NTRK2: variants seen among roughly 807,000 people sequenced by gnomAD.
The protein encoded by NTRK2 is neurotrophic receptor tyrosine kinase 2, also known as BDNF/NT-3 growth factors receptor.
NTRK2 carries 13 observed loss-of-function variants against 94.5 expected under a neutral mutation model. The observed-to-expected ratio is 0.14, with a 90% CI of 0.09 to 0.22. The LOEUF is 0.22. Ranked by LOEUF, NTRK2 falls within the 10% of genes least tolerant of loss-of-function variation. NTRK2 has a pLI of 1.00. For synonymous variants in NTRK2, 372 were observed against 407.4 expected, an observed-to-expected ratio of 0.91 and a Z score of 1.05; for missense variants, 639 against 1,071.2, an observed-to-expected ratio of 0.60 and a Z score of 5.63.
chr9:84,673,285 T>C (rs1299397938), intron 2 of NTRK2, among the ~76,000 whole-genome samples: 2 of 152,244 alleles, frequency 1.3e-5, no homozygotes, highest in Non-Finnish European at 2.9e-5. Context: ...CTCGCATCCT[T>C]ATATGACACC....
intron 14 of NTRK2, among the ~76,000 whole-genome samples, chr9:84,883,965 T>C (rs1477085104): frequency 6.6e-6 from 1 of 152,250 alleles, no homozygotes; most frequent in Non-Finnish European, 1.5e-5. Context: ...GTACTTAGTA[T>C]AAGGAATTAT....
chr9:84,673,181 G>A (rs1429352543), intron 2 of NTRK2, among the ~76,000 whole-genome samples: 10 of 152,128 alleles, frequency 6.6e-5, no homozygotes, highest in Admixed American at 2.0e-4. Flanking sequence ...TCTGTAACTC[G>A]TATGACAATA....
rs1025988020 is a variant in NTRK2, at chr9:84,940,346, T to G, written c.1764+6054T>G. ...CAAGATCTGAGGCAGCCCTGGTGAC[T>G]GTCCCTTCTTTATCATCTCGGCAGG... On this transcript the variant is annotated intron_variant, in intron 15 of 18. Transcript: ENST00000277120. Among the ~76,000 whole-genome samples, 3 of 152,214 alleles carry G rather than the reference T, an allele frequency of 2.0e-5. No homozygotes were observed. In the East Asian group the frequency reaches 5.8e-4, roughly 29 times the overall value.
chr9:84,800,219 T>TC (rs2070240387), intron 12 of NTRK2, among the ~76,000 whole-genome samples: 1 of 151,850 alleles, frequency 6.6e-6, no homozygotes, highest in South Asian at 2.1e-4. Context: ...CTTTTTTTTT[T>TC]TGAGATGGAG....
chr9:84,859,596 G>T (rs1398664585), intron 12 of NTRK2, among the ~76,000 whole-genome samples: 1 of 152,132 alleles, frequency 6.6e-6, no homozygotes, highest in Non-Finnish European at 1.5e-5. Context: ...TGATCACATT[G>T]CCCTTCAGTG....
chr9:84,774,504 A>G (rs915039956), intron 12 of NTRK2, among the ~76,000 whole-genome samples: 26 of 152,326 alleles, frequency 1.7e-4, no homozygotes, highest in African/African-American at 6.3e-4. Flanking sequence ...GACTTGCCCA[A>G]AGCTGCAAGG....
At chr9:84,795,783 T>C (rs1306844101) in intron 12 of NTRK2, among the ~76,000 whole-genome samples, 1 of 152,160 alleles carries the variant, frequency 6.6e-6, no homozygotes, top group African/African-American at 2.4e-5. Flanking sequence ...TCCTTGCTCA[T>C]GCACCTGAGT....
At chr9:84,854,691 A>G (rs1456193587) in intron 12 of NTRK2, among the ~76,000 whole-genome samples, 1 of 152,136 alleles carries the variant, frequency 6.6e-6, no homozygotes, top group Non-Finnish European at 1.5e-5. Context: ...TCACGACTGT[A>G]ATCCCAGCAC....
chr9:84,686,762 A>G (rs976694984), intron 2 of NTRK2, among the ~76,000 whole-genome samples: 2 of 152,230 alleles, frequency 1.3e-5, no homozygotes, highest in African/African-American at 4.8e-5. Flanking sequence ...ATTTATAAAA[A>G]TTAACGCTAT....
At chr9:84,859,133 T>C (rs2131972987) in intron 12 of NTRK2, among the ~76,000 whole-genome samples, 1 of 152,298 alleles carries the variant, frequency 6.6e-6, no homozygotes, top group Middle Eastern at 3.4e-3. Context: ...GCAATTCTCA[T>C]TGTACCTGTG....
At chr9:84,834,707 G>A (rs1587586487) in intron 12 of NTRK2, among the ~76,000 whole-genome samples, 1 of 152,268 alleles carries the variant, frequency 6.6e-6, no homozygotes, top group East Asian at 1.9e-4. Flanking sequence ...CTGACTGCAG[G>A]CAACAGGAAA....
At chr9:84,905,660 A>G (rs955468162) in intron 14 of NTRK2, among the ~76,000 whole-genome samples, 1 of 152,202 alleles carries the variant, frequency 6.6e-6, no homozygotes, top group Non-Finnish European at 1.5e-5. Context: ...CTTAATTTGG[A>G]TTACAATCAA....
intron 11 of NTRK2, among the ~76,000 whole-genome samples, chr9:84,748,087 G>A (rs147973509): frequency 1.3e-5 from 2 of 152,266 alleles, no homozygotes; most frequent in East Asian, 3.9e-4. Flanking sequence ...CATTTTGTTG[G>A]ATTTGCAGGG....
chr9:84,975,220 C>T (rs369234177), intron 17 of NTRK2, among the ~76,000 whole-genome samples: 34 of 152,054 alleles, frequency 2.2e-4, no homozygotes, highest in African/African-American at 7.5e-4. Flanking sequence ...TTTTTCCCCC[C>T]TCTTTCCCAA....
In NTRK2 at chr9:84,670,592, C is replaced by G; in HGVS notation, c.-157C>G. On this transcript the variant is annotated 5_prime_UTR_variant, in exon 2 of 19. Coordinates refer to ENST00000277120, the MANE Select transcript of NTRK2 (RefSeq NM_006180.6). Reference sequence around the variant, plus strand: ...CTGCCGGAACACTCTTCGCTCCGGACCAGCTCAGCCTCTGATAAGCTGGAC... The same window carrying G: ...CTGCCGGAACACTCTTCGCTCCGGAGCAGCTCAGCCTCTGATAAGCTGGAC... The G allele has an allele frequency of 1.3e-6, 1 of 752,746 alleles. No homozygotes were observed. Among genetic ancestry groups the G allele is most frequent in the Non-Finnish European group, 2.3e-6 (1 of 438,278 alleles). 46.6% of individuals were successfully genotyped at this position (752,746 alleles called of 1,614,324 possible). A position where few individuals can be genotyped will look rare whatever the true frequency, so the allele number is the denominator to read the frequency against.
chr9:85,008,550 C>T (rs1831218914), intron 17 of NTRK2, among the ~76,000 whole-genome samples: 2 of 152,156 alleles, frequency 1.3e-5, no homozygotes, highest in Admixed American at 1.3e-4. Flanking sequence ...ACTGAAGTCA[C>T]ACTTTATGTC....
At chr9:84,672,300 C>G (rs978865250) in intron 2 of NTRK2, among the ~76,000 whole-genome samples, 1 of 152,084 alleles carries the variant, frequency 6.6e-6, no homozygotes, top group Non-Finnish European at 1.5e-5. Context: ...TGAGATGTGT[C>G]GGGAGCAGCC....
At chr9:84,895,471 C>T (rs2076730323) in intron 14 of NTRK2, among the ~76,000 whole-genome samples, 1 of 152,198 alleles carries the variant, frequency 6.6e-6, no homozygotes, top group Non-Finnish European at 1.5e-5. Context: ...ATTCTCTTCA[C>T]ATTTCTCTGG....
At chr9:84,853,920 A>C (rs2074918764) in intron 12 of NTRK2, among the ~76,000 whole-genome samples, 1 of 152,106 alleles carries the variant, frequency 6.6e-6, no homozygotes, top group Non-Finnish European at 1.5e-5. Context: ...TCTCTACTAA[A>C]AATACAAAAA....
Sources: gnomAD v4.1 joint callset for allele counts (sites outside exome capture counted in the v4.1 genomes callset) on GRCh38, gnomAD v4.1.1 for gene constraint, MANE v1.5 for transcripts, NCBI Gene and HGNC (gene_info 2026-07-23, HGNC 2026-07-21) for gene names.